SAMMSON: variants seen among roughly 807,000 people sequenced by gnomAD.
SAMMSON encodes survival associated mitochondrial melanoma specific oncogenic non-coding RNA.
chr3:70,021,556 A>G (rs1041696031), intron 3 of SAMMSON, among the ~76,000 whole-genome samples: 8 of 152,286 alleles, frequency 5.3e-5, no homozygotes, highest in Middle Eastern at 3.4e-3. Flanking sequence ...GCCTGATTAT[A>G]TTTAGTTTTT....
At chr3:70,092,850 C>A (rs957834594) in intron 4 of SAMMSON, among the ~76,000 whole-genome samples, 1 of 150,424 alleles carries the variant, frequency 6.6e-6, no homozygotes, top group Non-Finnish European at 1.5e-5. Flanking sequence ...TTTAGTGATT[C>A]GCTTGATAAA....
chr3:70,200,340 G>A (rs1049337065), intron 4 of SAMMSON, among the ~76,000 whole-genome samples: 1 of 152,116 alleles, frequency 6.6e-6, no homozygotes, highest in Admixed American at 6.5e-5. Context: ...TAGCCTACAA[G>A]CCCTTGCATG....
intron 6 of SAMMSON, among the ~76,000 whole-genome samples, chr3:70,264,255 C>T (rs1246972151): frequency 6.6e-6 from 1 of 152,132 alleles, no homozygotes; most frequent in Non-Finnish European, 1.5e-5. Flanking sequence ...CTTAAAAAGG[C>T]CTTCGTGTTA....
At chr3:70,078,633 A>T (rs1576116298) in intron 4 of SAMMSON, among the ~76,000 whole-genome samples, 2 of 152,066 alleles carry the variant, frequency 1.3e-5, no homozygotes, top group East Asian at 3.9e-4. Flanking sequence ...CTGTGTGTTA[A>T]ATCCCTTTCT....
At chr3:70,386,302 G>A (rs1703122416) in intron 9 of SAMMSON, among the ~76,000 whole-genome samples, 1 of 152,186 alleles carries the variant, frequency 6.6e-6, no homozygotes, top group South Asian at 2.1e-4. Context: ...CAAGAGGGGA[G>A]TTGGGTTAGA....
intron 4 of SAMMSON, chr3:70,204,686 G>A (rs1701273946): frequency 6.6e-6 from 1 of 150,848 alleles, no homozygotes. Flanking sequence ...GGGCTCTTGA[G>A]TGTCAGTTGC....
At chr3:70,354,378 A>G (rs966974649) in intron 8 of SAMMSON, 20 of 152,240 alleles carry the variant, frequency 1.3e-4, no homozygotes, top group African/African-American at 4.8e-4. Flanking sequence ...GAAAGATGAG[A>G]TCAAATGAAG....
At chr3:70,073,785 G>A (rs2067238489) in intron 4 of SAMMSON, among the ~76,000 whole-genome samples, 1 of 152,032 alleles carries the variant, frequency 6.6e-6, no homozygotes, top group African/African-American at 2.4e-5. Flanking sequence ...AGTGGTTACA[G>A]CCATAGACTT....
chr3:70,299,883 A>C (rs1163689819), intron 7 of SAMMSON, among the ~76,000 whole-genome samples: 1 of 151,950 alleles, frequency 6.6e-6, no homozygotes, highest in Non-Finnish European at 1.5e-5. Flanking sequence ...CTAACGTTAA[A>C]AGTCCTTCAT....
chr3:70,125,540 A>T, intron 4 of SAMMSON: 2 of 696,788 alleles, frequency 2.9e-6, no homozygotes, highest in Non-Finnish European at 5.2e-6. Context: ...TCCAAATCCT[A>T]TACTGGATGC....
chr3:70,302,372 AAAAGT>A (rs1702357746), intron 7 of SAMMSON, among the ~76,000 whole-genome samples: 2 of 152,148 alleles, frequency 1.3e-5, no homozygotes. Flanking sequence ...ATAATCTTAT[AAAAGT>A]AAAGTATCTC....
intron 6 of SAMMSON, among the ~76,000 whole-genome samples, chr3:70,286,782 A>G (rs78143700): frequency 0.064 from 9,719 of 151,872 alleles, 882 homozygotes; most frequent in East Asian, 0.48. Flanking sequence ...CACATCCCTT[A>G]TAAGTTGGAT....
chr3:70,363,445 C>CA (rs1019476533), intron 9 of SAMMSON, among the ~76,000 whole-genome samples: 15 of 151,556 alleles, frequency 9.9e-5, no homozygotes, highest in South Asian at 2.1e-4. Flanking sequence ...CTCACACACA[C>CA]AAAAAAAACC....
At chr3:70,183,065 A>C (rs1241829535) in intron 4 of SAMMSON, among the ~76,000 whole-genome samples, 1 of 152,180 alleles carries the variant, frequency 6.6e-6, no homozygotes, top group African/African-American at 2.4e-5. Flanking sequence ...TCAAATAATA[A>C]CTATTCTTTG....
At chr3:70,282,429 C>G (rs1702095729) in intron 6 of SAMMSON, among the ~76,000 whole-genome samples, 1 of 152,130 alleles carries the variant, frequency 6.6e-6, no homozygotes, top group African/African-American at 2.4e-5. Context: ...ATGATTTTCC[C>G]TATCTCTCAA....
At chr3:70,401,160 G>GT (rs986019806) in intron 2 of SAMMSON, among the ~76,000 whole-genome samples, 3 of 151,716 alleles carry the variant, frequency 2.0e-5, no homozygotes, top group African/African-American at 7.3e-5. Context: ...TAGATATTTT[G>GT]TTTTTTCTCA....
intron 4 of SAMMSON, among the ~76,000 whole-genome samples, chr3:70,187,940 T>A (rs1042106468): frequency 1.3e-5 from 2 of 152,134 alleles, no homozygotes; most frequent in Non-Finnish European, 2.9e-5. Context: ...AAAGAGGCCA[T>A]GTAGCAAGCT....
At chr3:70,395,331 C>CTTTTTTTTTTTTTTTTTTTTTTTTTTTT (rs71126501) in intron 2 of SAMMSON, among the ~76,000 whole-genome samples, 1 of 113,678 alleles carries the variant, frequency 8.8e-6, no homozygotes, top group African/African-American at 3.5e-5. Context: ...CTCTCTCTCT[C>CTTTTTTTTTTTTTTTTTTTTTTTTTTTT]TTTTTTTTTT....
At chr3:70,201,935 C>A (rs1437192207) in intron 4 of SAMMSON, among the ~76,000 whole-genome samples, 1 of 152,192 alleles carries the variant, frequency 6.6e-6, no homozygotes, top group African/African-American at 2.4e-5. Context: ...TGCTTCTCCT[C>A]CTGCTCTTTG....
Sources: allele counts gnomAD v4.1 joint callset (sites outside exome capture counted in the v4.1 genomes callset), GRCh38; gene constraint gnomAD v4.1.1; transcripts MANE v1.5; gene names NCBI Gene and HGNC (gene_info 2026-07-23, HGNC 2026-07-21).